FRY: variants seen among roughly 807,000 people sequenced by gnomAD.
The protein encoded by FRY is protein furry homolog.
Under a neutral mutation model 348.4 loss-of-function variants are expected in FRY, and 128 were observed. That is an observed-to-expected ratio of 0.37 (90% CI 0.32 to 0.43). The LOEUF (loss-of-function observed/expected upper bound fraction) is 0.43. FRY is among the 20% of genes least tolerant of loss of function. The pLI, the probability that FRY is intolerant of heterozygous loss-of-function variation, is 1.00. For missense variants in FRY, 2,736 were observed against 3,695.2 expected (o/e 0.74, Z 6.73); for synonymous variants, 1,370 against 1,374.7 (o/e 1.00, Z 0.08).
At chr13:32,200,867 TTCC>T (rs771269938) in intron 29 of FRY, among the ~76,000 whole-genome samples, 4 of 152,214 alleles carry the variant, frequency 2.6e-5, no homozygotes, top group Admixed American at 6.5e-5. Flanking sequence ...GATCTCTCCC[TTCC>T]TTCTGTCTCT....
chr13:32,286,669 C>T (rs1193924721), intron 58 of FRY, among the ~76,000 whole-genome samples: 2 of 138,254 alleles, frequency 1.4e-5, no homozygotes, highest in African/African-American at 5.5e-5. Flanking sequence ...ATGGTGTGAA[C>T]CCGGGAGGTG....
At chr13:32,258,060 C>T in intron 51 of FRY, 2 of 1,016,204 alleles carry the variant, frequency 2.0e-6, no homozygotes, top group Non-Finnish European at 1.6e-6. Context: ...TTTTTTCCTC[C>T]CTTCCAGAAT....
In FRY at chr13:32,294,397, C is replaced by A; in HGVS notation, c.8610C>A (p.Asp2870Glu). The change falls in exon 60 of 61, where the codon GAC (aspartate) becomes GAA (glutamate). Residue 2870 changes from aspartate to glutamate, a missense_variant. By Grantham distance (45) the Asp-to-Glu change is conservative (BLOSUM62 2). Transcript: ENST00000542859. Reference sequence around the variant, plus strand: ...TGAATATGTCCAGGGAACTGAGTGACCTAAAGAAACACCTGAAGGAAGCCA... The same window carrying A: ...TGAATATGTCCAGGGAACTGAGTGAACTAAAGAAACACCTGAAGGAAGCCA... ...ELLNMSRELS[D>E]LKKHLKEASA... is the part of the protein sequence containing the mutation. 6.2e-7 allele frequency: 1 copy of A among 1,613,552 alleles called. No homozygotes were observed. Among genetic ancestry groups the A allele is most frequent in the African/African-American group, 1.3e-5 (1 of 74,912 alleles).
At chr13:32,180,727 T>C (rs561424481) in intron 23 of FRY, among the ~76,000 whole-genome samples, 1 of 152,202 alleles carries the variant, frequency 6.6e-6, no homozygotes, top group Non-Finnish European at 1.5e-5. Flanking sequence ...CAAAACCCTA[T>C]AAAGACAAAT....
At chr13:32,035,652 A>G (rs549005282) in intron 1 of FRY, among the ~76,000 whole-genome samples, 2 of 152,348 alleles carry the variant, frequency 1.3e-5, no homozygotes, top group South Asian at 4.1e-4. Context: ...GAATGAAGGT[A>G]CATTCAGAAT....
intron 1 of FRY, among the ~76,000 whole-genome samples, chr13:32,033,838 T>G (rs1872368186): frequency 6.6e-6 from 1 of 152,238 alleles, no homozygotes; most frequent in Non-Finnish European, 1.5e-5. Context: ...AAATATACTT[T>G]GTTTATCTTC....
chr13:32,043,587 C>T (rs571895764), intron 1 of FRY, among the ~76,000 whole-genome samples: 144 of 152,230 alleles, frequency 9.5e-4, no homozygotes, highest in Non-Finnish European at 1.5e-3. Flanking sequence ...GGCCTCTCAT[C>T]GTCATTGGCA....
chr13:32,182,001 C>T (rs1392333470), intron 23 of FRY, among the ~76,000 whole-genome samples: 1 of 152,102 alleles, frequency 6.6e-6, no homozygotes, highest in East Asian at 1.9e-4. Flanking sequence ...TTGGAGAAAT[C>T]AGGAATAGAA....
chr13:32,295,648 C>G lies in FRY; in HGVS notation c.*188C>G. On this transcript the variant is annotated 3_prime_UTR_variant, in exon 61 of 61. Transcript: ENST00000542859. ...AGCAATACTATAAGAACCAAGGTAG[C>G]TTAGAACGTCCTGGACAGACTCCAC... The G allele has an allele frequency of 1.6e-6, 1 of 622,650 alleles. No homozygotes were observed. Among genetic ancestry groups the G allele is most frequent in the Non-Finnish European group, 2.9e-6 (1 of 349,010 alleles). The allele number at this position is 622,650 out of a possible 1,614,324, so 38.6% of individuals were successfully genotyped here.
At position 32,173,496 on chromosome 13, in the gene FRY, G is replaced by A. The variant is rs758925707; in HGVS notation, c.2281G>A (p.Val761Ile). ...CCAGGTGGCCACACGCAAACTGTCC[G>A]TTTTAATACTCAAGGAAATTCGAGC... ...SFQVATRKLSVLILKEIRALF... is the reference protein window; with the variant it reads ...SFQVATRKLSILILKEIRALF... Residue 761 changes from valine to isoleucine, a missense_variant, in exon 19 of 61, where the codon GTT (valine) becomes ATT (isoleucine). Physicochemically the swap from Val to Ile is conservative, Grantham distance 29 (BLOSUM62 3). This residue lies in a region of FRY where 449 missense variants were observed against 576.9 expected (regional missense o/e 0.78). Coordinates refer to ENST00000542859, the MANE Select transcript of FRY (RefSeq NM_023037.3). 27 of 1,613,660 alleles carry A rather than the reference G, an allele frequency of 1.7e-5. No individual in the cohort carries two copies. The South Asian group carries it at 2.4e-4, about 14-fold the overall frequency.
chr13:32,287,151 T>C (rs1289289039), intron 58 of FRY, among the ~76,000 whole-genome samples: 1 of 145,702 alleles, frequency 6.9e-6, no homozygotes, highest in Non-Finnish European at 1.5e-5. Context: ...GGCGACAGAG[T>C]GAGACTCCAT....
rs11841058 is a variant in FRY at position 32,217,061 on chromosome 13, C to G, written c.4683-1688C>G. 7.4e-3 allele frequency among the ~76,000 whole-genome samples: 1,120 copies of G among 152,262 alleles called. 17 individuals are homozygous for G. Among genetic ancestry groups the G allele is most frequent in the African/African-American group, 0.026 (1,093 of 41,526 alleles). On this transcript the variant is annotated intron_variant, in intron 35 of 60. Coordinates refer to ENST00000542859, the MANE Select transcript of FRY (RefSeq NM_023037.3). ...TTAATGGTACATCCAGGAGTTTTTG[C>G]TGAAACGTTACTCTTTCTCCACACA...
At chr13:32,170,892 G>C (rs569814035) in intron 17 of FRY, 120 bp from the exon 18 acceptor site, 11 of 793,464 alleles carry the variant, frequency 1.4e-5, no homozygotes, top group Non-Finnish European at 2.4e-5. Flanking sequence ...CAAAAAATAA[G>C]GGAGACCCAT....
At chr13:32,236,345 CAA>C (rs1886226707) in intron 43 of FRY, among the ~76,000 whole-genome samples, 173 bp downstream of exon 43, 1 of 6,902 alleles carries the variant, frequency 1.4e-4, no homozygotes, top group Non-Finnish European at 2.4e-4. Context: ...ATAATACACA[CAA>C]ACACACACAC....
At position 32,244,062 on chromosome 13, in the gene FRY, T is replaced by A. The variant is rs746148188; in HGVS notation, c.6708T>A (p.Pro2236=). The A allele has an allele frequency of 6.2e-7, 1 of 1,614,090 alleles. No homozygotes were observed. Among genetic ancestry groups the A allele is most frequent in the East Asian group, 2.2e-5 (1 of 44,884 alleles). The part of the protein sequence containing the change: ...YLAELLEKGL[P]SVQQPLLQVI... Reference sequence around the variant, plus strand: ...CACAGCTGCTGGAGAAGGGCCTCCCTAGTGTGCAGCAGCCCCTGCTCCAGG... The same window carrying A: ...CACAGCTGCTGGAGAAGGGCCTCCCAAGTGTGCAGCAGCCCCTGCTCCAGG... The change falls in exon 47 of 61, where the codon CCT becomes CCA. Residue 2236 remains proline (P), a synonymous_variant. Transcript: ENST00000542859.
chr13:32,110,280 T>C (rs1266985814), intron 3 of FRY, among the ~76,000 whole-genome samples: 3 of 152,154 alleles, frequency 2.0e-5, no homozygotes, highest in African/African-American at 4.8e-5. Flanking sequence ...GTGGAGAGCA[T>C]CTATGAATGA....
chr13:32,289,158 G>A (rs776464318), intron 58 of FRY, among the ~76,000 whole-genome samples: 9 of 152,192 alleles, frequency 5.9e-5, no homozygotes, highest in African/African-American at 1.9e-4. Flanking sequence ...CAGAGTAGAC[G>A]GATCATCAGT....
chr13:32,178,044 T>G (rs1593701331), intron 20 of FRY, 133 bp from the exon 21 acceptor site: 1 of 839,692 alleles, frequency 1.2e-6, no homozygotes, highest in South Asian at 1.4e-5. Context: ...GCAGGATTGG[T>G]GTTTCAGATT....
intron 16 of FRY, among the ~76,000 whole-genome samples, chr13:32,159,238 TAA>T (rs564951363): frequency 6.9e-6 from 1 of 145,676 alleles, no homozygotes; most frequent in Admixed American, 6.9e-5. Context: ...CATCATTTCT[TAA>T]AAAAAAAAAA....
Sources: gnomAD v4.1 joint callset for allele counts (sites outside exome capture counted in the v4.1 genomes callset) on GRCh38, gnomAD v4.1.1 for gene constraint, gnomAD v4.1.1 regional missense constraint, MANE v1.5 for transcripts, NCBI Gene and HGNC (gene_info 2026-07-23, HGNC 2026-07-21) for gene names.